NRXN1: variants seen among roughly 807,000 people sequenced by gnomAD.
NRXN1 encodes the protein neurexin 1.
In NRXN1, 39 loss-of-function variants were observed where a neutral mutation model predicts 150.9. The observed-to-expected ratio is 0.26, with a 90% CI of 0.20 to 0.34. The LOEUF (loss-of-function observed/expected upper bound fraction) is 0.34, where lower values mean the gene tolerates loss of function less well. Among genes scored for constraint, NRXN1 ranks in the 10% least tolerant of loss-of-function variants. The pLI, the probability that NRXN1 is intolerant of heterozygous loss-of-function variation, is 1.00. For synonymous variants in NRXN1, 924 were observed against 757.0 expected (o/e 1.22, Z -3.62); for missense variants, 1,815 against 1,949.9 (o/e 0.93, Z 1.30).
At chr2:50,381,932 T>C (rs2081000314) in intron 17 of NRXN1, among the ~76,000 whole-genome samples, 1 of 152,110 alleles carries the variant, frequency 6.6e-6, no homozygotes, top group Non-Finnish European at 1.5e-5. Flanking sequence ...GGGTCTTTAG[T>C]GTAGAATCCT....
intron 17 of NRXN1, among the ~76,000 whole-genome samples, chr2:50,428,831 G>T (rs973567245): frequency 6.6e-6 from 1 of 152,154 alleles, no homozygotes; most frequent in Admixed American, 6.5e-5. Context: ...GTACTCTCAT[G>T]ATTAAATCCA....
chr2:50,906,540 C>T (rs1386727241), intron 5 of NRXN1, among the ~76,000 whole-genome samples: 1 of 152,070 alleles, frequency 6.6e-6, no homozygotes, highest in East Asian at 1.9e-4. Context: ...TGTTGCTATG[C>T]TGTTTTCTTA....
Position 50,343,352 on chromosome 2 carries a change from C to T in NRXN1, c.3365-106382G>A, listed in dbSNP as rs181752335. On this transcript the variant is annotated intron_variant, in intron 17 of 22. Transcript: ENST00000401669. ...TGGCACATCACATAAGCAGTACTGGCTGAGCACACTGGTCTATTCTGGACT... is the reference window on the plus strand; with the variant it reads ...TGGCACATCACATAAGCAGTACTGGTTGAGCACACTGGTCTATTCTGGACT... 1.1e-3 allele frequency among the ~76,000 whole-genome samples: 167 copies of T among 152,286 alleles called. 1 individual carries two copies. Among genetic ancestry groups the T allele is most frequent in the Middle Eastern group, 6.8e-3 (2 of 294 alleles).
chr2:50,627,125 A>G (rs1268373643), intron 5 of NRXN1, among the ~76,000 whole-genome samples: 4 of 151,866 alleles, frequency 2.6e-5, no homozygotes, highest in Non-Finnish European at 4.4e-5. Flanking sequence ...AGTCATTCTT[A>G]TATACTGCTG....
At chr2:50,638,223 A>C (rs1001305101) in intron 5 of NRXN1, among the ~76,000 whole-genome samples, 2 of 152,070 alleles carry the variant, frequency 1.3e-5, no homozygotes, top group Non-Finnish European at 2.9e-5. Context: ...AACCCTACCC[A>C]CTTCCACTTT....
At chr2:50,104,219 G>A (rs1701345076) in intron 18 of NRXN1, among the ~76,000 whole-genome samples, 1 of 151,958 alleles carries the variant, frequency 6.6e-6, no homozygotes, top group Non-Finnish European at 1.5e-5. Context: ...GACATACTGG[G>A]AGGCCATTTC....
chr2:50,941,163 C>A (rs1256883199), intron 2 of NRXN1, among the ~76,000 whole-genome samples: 2 of 151,904 alleles, frequency 1.3e-5, no homozygotes, highest in Non-Finnish European at 2.9e-5. Context: ...CTTCACTTTC[C>A]ACTATGATTT....
intron 18 of NRXN1, among the ~76,000 whole-genome samples, chr2:50,200,442 G>T (rs2062079061): frequency 6.6e-6 from 1 of 152,048 alleles, no homozygotes; most frequent in African/African-American, 2.4e-5. Context: ...AAACAGAGAA[G>T]AATAAAAACA....
At chr2:50,350,964 A>C (rs2078368339) in intron 17 of NRXN1, among the ~76,000 whole-genome samples, 1 of 152,214 alleles carries the variant, frequency 6.6e-6, no homozygotes, top group South Asian at 2.1e-4. Flanking sequence ...CGGATACAGC[A>C]ATATTTGTTA....
intron 15 of NRXN1, among the ~76,000 whole-genome samples, chr2:50,488,299 G>T (rs1420490314): frequency 6.6e-6 from 1 of 152,172 alleles, no homozygotes; most frequent in Non-Finnish European, 1.5e-5. Flanking sequence ...GAGGACATCT[G>T]TCTTGATCAA....
At chr2:49,946,500 T>G (rs535799730) in intron 21 of NRXN1, among the ~76,000 whole-genome samples, 1 of 152,044 alleles carries the variant, frequency 6.6e-6, no homozygotes, top group Admixed American at 6.6e-5. Context: ...TCTTCTAGGG[T>G]TTTTTATGGT....
intron 8 of NRXN1, among the ~76,000 whole-genome samples, chr2:50,560,552 C>T (rs1251329131): frequency 6.6e-6 from 1 of 152,036 alleles, no homozygotes; most frequent in Non-Finnish European, 1.5e-5. Context: ...CCTGCCTCAG[C>T]CTCTGGAGTA....
rs555396291 is a variant in NRXN1, at chr2:50,760,358, T to C, written c.833-136743A>G. Reference sequence around the variant, plus strand: ...GTCACACACAACTTGTTCCCAGTCATAGGCCTCTGTTCAGGCTCCTCTCTT... The same window carrying C: ...GTCACACACAACTTGTTCCCAGTCACAGGCCTCTGTTCAGGCTCCTCTCTT... On this transcript the variant is annotated intron_variant, in intron 5 of 22. Transcript: ENST00000401669. 8.7e-4 allele frequency among the ~76,000 whole-genome samples: 133 copies of C among 152,010 alleles called. 2 individuals are homozygous for C. The South Asian group carries it at 0.018, about 21-fold the overall frequency.
At chr2:50,620,638 C>T (rs556725041) in intron 7 of NRXN1, among the ~76,000 whole-genome samples, 13 of 152,104 alleles carry the variant, frequency 8.5e-5, no homozygotes, top group Non-Finnish European at 1.9e-4. Flanking sequence ...ACTATTTGCA[C>T]TATTGAGCAG....
At chr2:50,259,422 G>A (rs1156515323) in intron 17 of NRXN1, among the ~76,000 whole-genome samples, 4 of 151,866 alleles carry the variant, frequency 2.6e-5, no homozygotes, top group Non-Finnish European at 5.9e-5. Flanking sequence ...GGTTTGTTAT[G>A]TTAGAATTTA....
chr2:50,131,341 T>C (rs964708880), intron 18 of NRXN1, among the ~76,000 whole-genome samples: 2 of 152,216 alleles, frequency 1.3e-5, no homozygotes, highest in Non-Finnish European at 1.5e-5. Flanking sequence ...CTGTTTAAGT[T>C]TATTCAATTA....
At chr2:50,450,771 G>A (rs1438963368) in intron 17 of NRXN1, among the ~76,000 whole-genome samples, 5 of 152,158 alleles carry the variant, frequency 3.3e-5, no homozygotes, top group Admixed American at 1.3e-4. Flanking sequence ...CACAGTGCAG[G>A]TATCAGCCAG....
At position 50,893,161 on chromosome 2, in the gene NRXN1, CT is replaced by C. The variant is rs539559071; in HGVS notation, c.832+28707del. On this transcript the variant is annotated intron_variant, in intron 5 of 22. Transcript: ENST00000401669. ...ACTCATAATTGCTACCTCCCAACAACTTTTTGTACCCTAAGTGCATCTGAGC... is the reference window on the plus strand; with the variant it reads ...ACTCATAATTGCTACCTCCCAACAACTTTTGTACCCTAAGTGCATCTGAGC... 1.7e-3 allele frequency among the ~76,000 whole-genome samples: 254 copies of C among 152,274 alleles called. 1 individual carries two copies. Among genetic ancestry groups the C allele is most frequent in the Non-Finnish European group, 3.0e-3 (205 of 68,020 alleles).
intron 19 of NRXN1, among the ~76,000 whole-genome samples, chr2:50,085,467 G>T (rs12472743): frequency 0.26 from 40,121 of 151,960 alleles, 5,679 homozygotes; most frequent in Admixed American, 0.39. Flanking sequence ...TACATTTAAT[G>T]AGAACATGGG....
Sources: gnomAD v4.1 joint callset for allele counts (sites outside exome capture counted in the v4.1 genomes callset) on GRCh38, gnomAD v4.1.1 for gene constraint, MANE v1.5 for transcripts, NCBI Gene and HGNC (gene_info 2026-07-23, HGNC 2026-07-21) for gene names.